Variants in AIM2 observed in about 807,000 individuals in gnomAD.
AIM2 encodes the protein interferon-inducible protein AIM2.
Under a neutral mutation model 27.7 loss-of-function variants are expected in AIM2, and 30 were observed. That is an observed-to-expected ratio of 1.08 (90% CI 0.81 to 1.47). The LOEUF (loss-of-function observed/expected upper bound fraction) is 1.47. Among genes scored for constraint, AIM2 ranks in the 40% most tolerant of loss-of-function variants. The probability of loss-of-function intolerance (pLI) is 0.00; values close to 1 mark genes in which losing one functional copy is unlikely to be tolerated. For missense variants in AIM2, 358 were observed against 411.3 expected (o/e 0.87, Z 1.12); for synonymous variants, 141 against 145.3 (o/e 0.97, Z 0.21).
At chr1:159,138,508 T>G (rs114345049) in intron 1 of AIM2, among the ~76,000 whole-genome samples, 1 of 152,238 alleles carries the variant, frequency 6.6e-6, no homozygotes, top group Non-Finnish European at 1.5e-5. Context: ...CTATTAGCTA[T>G]TATAATATTT....
chr1:159,118,983 G>C (rs1647458169), intron 1 of AIM2, among the ~76,000 whole-genome samples: 1 of 152,106 alleles, frequency 6.6e-6, no homozygotes, highest in African/African-American at 2.4e-5. Context: ...CTGAGGCCCA[G>C]CTGTGGCTCT....
chr1:159,087,625 T>C (rs1570956783), intron 1 of AIM2, among the ~76,000 whole-genome samples: 2 of 146,356 alleles, frequency 1.4e-5, no homozygotes, highest in Admixed American at 7.2e-5. Context: ...CGGGCTGGAG[T>C]GCAGTGGCGT....
chr1:159,118,621 A>T (rs1647448444), intron 1 of AIM2, among the ~76,000 whole-genome samples: 1 of 152,190 alleles, frequency 6.6e-6, no homozygotes, highest in South Asian at 2.1e-4. Flanking sequence ...ATTCTAATAG[A>T]ATATTAGCAA....
intron 1 of AIM2, among the ~76,000 whole-genome samples, chr1:159,088,770 C>G (rs995003593): frequency 2.6e-5 from 4 of 152,158 alleles, no homozygotes; most frequent in African/African-American, 9.7e-5. Flanking sequence ...GCTCACTAAG[C>G]TGCCTCTCCA....
At chr1:159,128,806 C>T (rs892172434) in intron 1 of AIM2, among the ~76,000 whole-genome samples, 1 of 152,176 alleles carries the variant, frequency 6.6e-6, no homozygotes, top group Non-Finnish European at 1.5e-5. Context: ...TCAGCTCACT[C>T]TTCATATTTT....
At chr1:159,132,808 A>G (rs1249257649) in intron 1 of AIM2, among the ~76,000 whole-genome samples, 2 of 152,166 alleles carry the variant, frequency 1.3e-5, no homozygotes, top group African/African-American at 4.8e-5. Context: ...GGTCCTTAAC[A>G]CCGCCTAGTA....
At chr1:159,057,759 A>G (rs1042148942), downstream of AIM2, among the ~76,000 whole-genome samples, 2 of 152,220 alleles carry the variant, frequency 1.3e-5, no homozygotes, top group East Asian at 3.8e-4. Flanking sequence ...CTTTCTCTCT[A>G]GTCCTCATTT....
chr1:159,104,331 C>T (rs1657381230), intron 1 of AIM2, among the ~76,000 whole-genome samples: 1 of 152,166 alleles, frequency 6.6e-6, no homozygotes, highest in Admixed American at 6.5e-5. Context: ...ATAAGCCACA[C>T]ATAGCTCTCA....
chr1:159,128,039 G>C (rs1201841338), intron 1 of AIM2, among the ~76,000 whole-genome samples: 1 of 152,002 alleles, frequency 6.6e-6, no homozygotes, highest in African/African-American at 2.4e-5. Flanking sequence ...ACTTGTTTCT[G>C]TTTCTTTTCT....
At chr1:159,114,856 T>A (rs1456907648) in intron 1 of AIM2, among the ~76,000 whole-genome samples, 1 of 152,078 alleles carries the variant, frequency 6.6e-6, no homozygotes, top group Non-Finnish European at 1.5e-5. Context: ...GAGAAGGAAA[T>A]AAAGGGTATT....
chr1:159,095,370 C>T (rs569754338), intron 1 of AIM2, among the ~76,000 whole-genome samples: 2 of 152,264 alleles, frequency 1.3e-5, no homozygotes, highest in African/African-American at 2.4e-5. Flanking sequence ...AATGTCAACT[C>T]GAATCAATTT....
In AIM2 at chr1:159,073,485, G is replaced by T. The variant is rs754660736; in HGVS notation, c.15C>A (p.Tyr5Ter). 1.2e-6 allele frequency: 2 copies of T among 1,613,722 alleles called. No individual in the cohort carries two copies. The highest frequency in any genetic ancestry group is 3.3e-5 in the Admixed American group (2 of 60,004). MESK[Y>*]KEILLLTGLD... ...GGCCTGTTAGCAAGAGTATCTCCTT[G>T]TATTTACTCTCCATCTGACAACTTT... The change falls in exon 2 of 6, where the codon TAC (tyrosine) becomes TAA (stop). Residue 5 changes from tyrosine to a stop codon, truncating the protein, a stop_gained. Coordinates refer to ENST00000368130, the MANE Select transcript of AIM2 (RefSeq NM_004833.3). LOFTEE classifies it high-confidence loss of function.
At chr1:159,072,539 G>A (rs148538748) in intron 2 of AIM2, among the ~76,000 whole-genome samples, 11 of 152,286 alleles carry the variant, frequency 7.2e-5, no homozygotes, top group African/African-American at 2.4e-4. Flanking sequence ...CATATCAATT[G>A]TTCTTAGTAA....
intron 1 of AIM2, among the ~76,000 whole-genome samples, chr1:159,103,599 G>C (rs969373946): frequency 2.0e-5 from 3 of 152,264 alleles, no homozygotes; most frequent in African/African-American, 7.2e-5. Context: ...TTTGGATCTA[G>C]GCCTGGCATA....
intron 1 of AIM2, among the ~76,000 whole-genome samples, chr1:159,116,772 A>G (rs914305144): frequency 2.0e-5 from 3 of 152,020 alleles, no homozygotes; most frequent in Non-Finnish European, 4.4e-5. Context: ...AACATGGCAC[A>G]TGTATACATA....
intron 1 of AIM2, among the ~76,000 whole-genome samples, chr1:159,117,054 G>GA (rs1011216242): frequency 1.3e-5 from 2 of 152,266 alleles, no homozygotes; most frequent in African/African-American, 4.8e-5. Flanking sequence ...AAATGAATGA[G>GA]AAAAATGAGT....
chr1:159,059,252 CACACACACACACACCAA>C (rs1389922373), downstream of AIM2, among the ~76,000 whole-genome samples: 267 of 151,486 alleles, frequency 1.8e-3, 1 homozygote, highest in African/African-American at 5.5e-3. Context: ...TATTCTTATA[CACACACACACACACCAA>C]ACACACACAC....
At chr1:159,112,443 G>A (rs1557908820) in intron 1 of AIM2, among the ~76,000 whole-genome samples, 2 of 152,216 alleles carry the variant, frequency 1.3e-5, no homozygotes, top group East Asian at 3.9e-4. Context: ...AAAATTGAGA[G>A]ACCTCAAGGA....
At chr1:159,058,818 G>A (rs562014178), downstream of AIM2, among the ~76,000 whole-genome samples, 55 of 152,236 alleles carry the variant, frequency 3.6e-4, 1 homozygote, top group South Asian at 0.011. Context: ...AGGAGGGCAG[G>A]GTTTTTTGGG....
Sources: allele counts gnomAD v4.1 joint callset (sites outside exome capture counted in the v4.1 genomes callset), GRCh38; gene constraint gnomAD v4.1.1; transcripts MANE v1.5; gene names NCBI Gene and HGNC (gene_info 2026-07-23, HGNC 2026-07-21).